The following RGPD8 variants were observed in gnomAD, a reference collection of about 807,000 sequenced individuals.
The protein encoded by RGPD8 is RANBP2 like and GRIP domain containing 8.
In RGPD8, 15 loss-of-function variants were observed where a neutral mutation model predicts 89.1. The observed-to-expected ratio is 0.17, with a 90% CI of 0.11 to 0.26. The LOEUF (loss-of-function observed/expected upper bound fraction) is 0.26, where lower values mean the gene tolerates loss of function less well. Ranked by LOEUF, RGPD8 falls within the 10% of genes least tolerant of loss-of-function variation. The probability of loss-of-function intolerance (pLI) is 1.00; values close to 1 mark genes in which losing one functional copy is unlikely to be tolerated. For missense variants in RGPD8, 178 were observed against 1,179.6 expected (o/e 0.15, Z 12.44); for synonymous variants, 62 against 420.9 (o/e 0.15, Z 10.44).
At chr2:112,432,886 C>G (rs1052356288) in intron 1 of RGPD8, among the ~76,000 whole-genome samples, 32 of 151,804 alleles carry the variant, frequency 2.1e-4, no homozygotes, top group East Asian at 5.8e-4. Flanking sequence ...TAGCCGGCCT[C>G]CGCCTCAACA....
At position 112,433,200 on chromosome 2, in the gene RGPD8, A is replaced by AC. The variant is rs564845245; in HGVS notation, c.72+181dup. Among the ~76,000 whole-genome samples the AC allele has an allele frequency of 2.6e-3, 342 of 131,342 alleles. 23 individuals are homozygous for AC. In the East Asian group the frequency reaches 0.031, roughly 12 times the overall value. 86.2% of individuals were successfully genotyped at this position (131,342 alleles called of 152,430 possible). A position where few individuals can be genotyped will look rare whatever the true frequency, so the allele number is the denominator to read the frequency against. ...GGAGCAGCGCCCGTCGGGAGCCATG[A>AC]CCCCTGACCCATCGAGGCCGCCGCC... On this transcript the variant is annotated intron_variant, in intron 1 of 22. Transcript: ENST00000302558.
Position 112,422,632 on chromosome 2 carries a change from T to C in RGPD8, c.168A>G (p.Gln56=). Residue 56 remains glutamine (Q), a synonymous_variant, in exon 3 of 23, where the codon CAA becomes CAG. Coordinates refer to ENST00000302558, the MANE Select transcript of RGPD8 (RefSeq NM_001164463.1). ...ATCTGTGAGCTTTGGGATCCCTCTC[T>C]TGCACATTAATGTAAGTACATATGT... The part of the protein sequence containing the change: ...KKYICTYINV[Q]ERDPKAHRFL... 6.2e-7 allele frequency: 1 copy of C among 1,606,096 alleles called. No individual in the cohort carries two copies. The highest frequency in any genetic ancestry group is 8.5e-7 in the Non-Finnish European group (1 of 1,177,882).
chr2:112,429,743 G>A (rs954042787), intron 1 of RGPD8, among the ~76,000 whole-genome samples: 2 of 152,162 alleles, frequency 1.3e-5, no homozygotes, highest in Non-Finnish European at 2.9e-5. Context: ...CGACTTGACA[G>A]AACATAGAAA....
chr2:112,411,058 T>G (rs1223601074), intron 7 of RGPD8, among the ~76,000 whole-genome samples: 2 of 152,212 alleles, frequency 1.3e-5, no homozygotes, highest in Non-Finnish European at 2.9e-5. Flanking sequence ...CACTCCAGCC[T>G]GGGCAACAAG....
intron 19 of RGPD8, among the ~76,000 whole-genome samples, 160 bp downstream of exon 19, chr2:112,390,815 G>A (rs1283024902): frequency 4.8e-5 from 7 of 145,612 alleles, no homozygotes; most frequent in East Asian, 3.9e-4. Context: ...TAAGGTGACT[G>A]AGAAGGATAA....
intron 9 of RGPD8, among the ~76,000 whole-genome samples, chr2:112,402,540 C>G (rs1164595074): frequency 1.4e-4 from 1 of 6,916 alleles, no homozygotes; most frequent in African/African-American, 4.9e-4. Context: ...AAAGGTTATG[C>G]GCTTCTGGAA....
At chr2:112,426,599 G>A (rs1329908746) in intron 1 of RGPD8, among the ~76,000 whole-genome samples, 8 of 146,154 alleles carry the variant, frequency 5.5e-5, no homozygotes, top group African/African-American at 1.3e-4. Context: ...ATTTACAATC[G>A]CATCTAAAAG....
rs1336359802 is a variant in RGPD8, at chr2:112,433,544, C to T, written c.-91G>A. The T allele has an allele frequency of 1.2e-5, 16 of 1,359,224 alleles. No individual in the cohort carries two copies. Among genetic ancestry groups the T allele is most frequent in the East Asian group, 7.7e-5 (3 of 38,992 alleles). 84.2% of individuals were successfully genotyped at this position (1,359,224 alleles called of 1,614,324 possible). A position where few individuals can be genotyped will look rare whatever the true frequency, so the allele number is the denominator to read the frequency against. On this transcript the variant is annotated 5_prime_UTR_variant, in exon 1 of 23. It adds an upstream start codon to the 5' untranslated region. Transcript: ENST00000302558. ...CCAAGAGGAAAGTGCCTGCAAGCCA[C>T]TGAAGCAGCGGCGTAGCCGGCGGAG...
At chr2:112,373,118 G>A (rs1370636622) in intron 22 of RGPD8, among the ~76,000 whole-genome samples, 6 of 151,112 alleles carry the variant, frequency 4.0e-5, no homozygotes, top group Non-Finnish European at 7.4e-5. Context: ...CTTATTTGGG[G>A]AGCAAAGCTG....
intron 7 of RGPD8, among the ~76,000 whole-genome samples, chr2:112,411,040 C>A (rs1399133508): frequency 6.6e-6 from 1 of 152,050 alleles, no homozygotes; most frequent in Non-Finnish European, 1.5e-5. Context: ...AGCCAGATGG[C>A]GCCATTGCAC....
Position 112,373,416 on chromosome 2 carries a change from C to T in RGPD8, c.5264-3204G>A, listed in dbSNP as rs532313783. ...TTATAAAGATTTTGATGCTGCTTTT[C>T]AGAGTTGGGTAACCTACTTTACCCC... On this transcript the variant is annotated intron_variant, in intron 22 of 22. Coordinates refer to ENST00000302558, the MANE Select transcript of RGPD8 (RefSeq NM_001164463.1). Among the ~76,000 whole-genome samples, 8 of 152,396 alleles carry T rather than the reference C, an allele frequency of 5.2e-5. No individual in the cohort carries two copies. The East Asian group carries it at 1.2e-3, about 22-fold the overall frequency.
At chr2:112,371,697 GT>G (rs1312970852) in intron 22 of RGPD8, among the ~76,000 whole-genome samples, 2 of 68,054 alleles carry the variant, frequency 2.9e-5, no homozygotes, top group African/African-American at 1.2e-4. Flanking sequence ...TAATTCACTG[GT>G]TTTTAATATA....
intron 6 of RGPD8, among the ~76,000 whole-genome samples, chr2:112,415,634 G>A (rs1366618503): frequency 6.6e-6 from 1 of 150,914 alleles, no homozygotes. Context: ...AGAGCATTGA[G>A]AGGAAATTGT....
intron 7 of RGPD8, among the ~76,000 whole-genome samples, chr2:112,409,225 C>A (rs1188109353): frequency 2.4e-5 from 2 of 82,290 alleles, no homozygotes; most frequent in Non-Finnish European, 4.5e-5. Flanking sequence ...ATTATATATT[C>A]ATTCTACAGA....
chr2:112,374,858 CTTTTT>C (rs780008775), intron 22 of RGPD8, among the ~76,000 whole-genome samples: 100 of 103,408 alleles, frequency 9.7e-4, no homozygotes, highest in East Asian at 5.9e-3. Context: ...AGTTTACATT[CTTTTT>C]TTTTTTTTTT....
At position 112,417,089 on chromosome 2, in the gene RGPD8, C is replaced by T. The variant is rs1390283597; in HGVS notation, c.782+104G>A. The T allele has an allele frequency of 1.2e-6, 2 of 1,603,976 alleles. 1 individual carries two copies. The highest frequency in any genetic ancestry group is 2.8e-5 in the African/African-American group (2 of 70,180). The stretch of plus-strand genomic sequence containing the variant: ...CTGTATTAACTATAACTCCTAGGTA[C>T]ATTATAGAAATAATGATTCAGTGAA... On this transcript the variant is annotated intron_variant, in intron 6 of 22. Transcript: ENST00000302558.
chr2:112,410,600 AT>A (rs1679135188), intron 7 of RGPD8, among the ~76,000 whole-genome samples: 1 of 149,244 alleles, frequency 6.7e-6, no homozygotes, highest in Admixed American at 6.6e-5. Context: ...ACATGGTGAA[AT>A]CCCATCTCTA....
intron 1 of RGPD8, among the ~76,000 whole-genome samples, chr2:112,427,687 G>C (rs1233878575): frequency 6.6e-6 from 1 of 152,108 alleles, no homozygotes; most frequent in Non-Finnish European, 1.5e-5. Flanking sequence ...GTCTCACCCT[G>C]TCGCCCATCT....
intron 1 of RGPD8, among the ~76,000 whole-genome samples, chr2:112,430,816 G>A (rs894319937): frequency 6.6e-6 from 1 of 151,842 alleles, no homozygotes; most frequent in Non-Finnish European, 1.5e-5. Context: ...AAAAAGCCGG[G>A]CATGGTGGCG....
Sources: gnomAD v4.1 joint callset for allele counts (sites outside exome capture counted in the v4.1 genomes callset) on GRCh38, gnomAD v4.1.1 for gene constraint, MANE v1.5 for transcripts, NCBI Gene and HGNC (gene_info 2026-07-23, HGNC 2026-07-21) for gene names.